Variants in SOX6 observed in about 807,000 individuals in gnomAD.
The protein encoded by SOX6 is SRY-box transcription factor 6.
SOX6 carries 11 observed loss-of-function variants against 97.8 expected under a neutral mutation model. That is an observed-to-expected ratio of 0.11 (90% confidence interval 0.07 to 0.19). The LOEUF (loss-of-function observed/expected upper bound fraction) is 0.19, where lower values mean the gene tolerates loss of function less well. Among genes scored for constraint, SOX6 ranks in the 10% least tolerant of loss-of-function variants. The pLI, the probability that SOX6 is intolerant of heterozygous loss-of-function variation, is 1.00. For missense variants in SOX6, 810 were observed against 1,039.5 expected, an observed-to-expected ratio of 0.78 and a Z score of 3.04; for synonymous variants, 360 against 371.4, an observed-to-expected ratio of 0.97 and a Z score of 0.35.
At chr11:16,309,666 A>G (rs565123369) in intron 3 of SOX6, among the ~76,000 whole-genome samples, 19 of 152,290 alleles carry the variant, frequency 1.2e-4, no homozygotes, top group African/African-American at 4.6e-4. Context: ...GGTTTATAAT[A>G]TACATATCAA....
chr11:16,486,834 C>T (rs1032561675), intron 4 of SOX6, among the ~76,000 whole-genome samples: 8 of 151,738 alleles, frequency 5.3e-5, no homozygotes, highest in African/African-American at 1.2e-4. Flanking sequence ...GGTGACAGAG[C>T]GAGACTCCAT....
At chr11:15,982,993 A>G (rs1853714343) in intron 15 of SOX6, among the ~76,000 whole-genome samples, 1 of 151,956 alleles carries the variant, frequency 6.6e-6, no homozygotes, top group Non-Finnish European at 1.5e-5. Context: ...TCTGGACACC[A>G]CACTCAGAAT....
chr11:16,026,840 A>T (rs1309910571), intron 12 of SOX6, among the ~76,000 whole-genome samples: 1 of 152,188 alleles, frequency 6.6e-6, no homozygotes, highest in East Asian at 1.9e-4. Flanking sequence ...ACTAAAAAAA[A>T]ATTCTGAAAT....
At chr11:16,716,525 T>C (rs1180551831) in intron 2 of SOX6, among the ~76,000 whole-genome samples, 1 of 152,238 alleles carries the variant, frequency 6.6e-6, no homozygotes, top group Non-Finnish European at 1.5e-5. Flanking sequence ...TCTGAGCATA[T>C]GGGAGTATAA....
At chr11:16,396,761 T>A (rs559715744) in intron 1 of SOX6, among the ~76,000 whole-genome samples, 1 of 151,608 alleles carries the variant, frequency 6.6e-6, no homozygotes, top group Non-Finnish European at 1.5e-5. Context: ...TCTTATAGAA[T>A]TGAATATTGA....
upstream of SOX6, among the ~76,000 whole-genome samples, chr11:16,360,836 T>G (rs1857195093): frequency 6.6e-6 from 1 of 151,966 alleles, no homozygotes; most frequent in Non-Finnish European, 1.5e-5. Flanking sequence ...ACCCCGTCTC[T>G]ACTAAAAATA....
At chr11:16,507,078 T>C (rs184404742) in intron 4 of SOX6, among the ~76,000 whole-genome samples, 95 of 152,012 alleles carry the variant, frequency 6.2e-4, no homozygotes, top group Middle Eastern at 3.4e-3. Flanking sequence ...ATAATAATAA[T>C]AATAAATACA....
Position 15,986,251 on chromosome 11 carries a change from T to C in SOX6, c.2136A>G (p.Gln712=), listed in dbSNP as rs534386690. 6.2e-7 allele frequency: 1 copy of C among 1,614,102 alleles called. No individual in the cohort carries two copies. The highest frequency in any genetic ancestry group is 1.1e-5 in the South Asian group (1 of 91,068). ...TCTCCTGTCTCCGAGACCTCATCAG[T>C]TGCTTATACTCCCCAATCCGAAGCT... ...GKKLRIGEYK[Q]LMRSRRQEMR... Residue 712 remains glutamine (Q), a synonymous_variant, in exon 15 of 16, where the codon CAA becomes CAG. Transcript: ENST00000683767.
At chr11:16,226,665 A>G (rs1232877227) in intron 4 of SOX6, among the ~76,000 whole-genome samples, 1 of 152,106 alleles carries the variant, frequency 6.6e-6, no homozygotes, top group Non-Finnish European at 1.5e-5. Context: ...GTATAACTCA[A>G]ACATAGATAC....
chr11:16,143,923 G>A (rs1400671570), intron 6 of SOX6, among the ~76,000 whole-genome samples: 1 of 152,074 alleles, frequency 6.6e-6, no homozygotes, highest in African/African-American at 2.4e-5. Context: ...ACACCCCACT[G>A]TCAACATTAG....
intron 4 of SOX6, among the ~76,000 whole-genome samples, chr11:16,225,161 C>A (rs976257161): frequency 6.6e-6 from 1 of 151,898 alleles, no homozygotes. Context: ...TTTTAAAAAT[C>A]TATAAAATCT....
intron 13 of SOX6, among the ~76,000 whole-genome samples, chr11:15,990,314 A>G (rs995463265): frequency 8.6e-5 from 13 of 152,046 alleles, no homozygotes; most frequent in Non-Finnish European, 1.6e-4. Flanking sequence ...GTCATAGACT[A>G]AGAGGCATTT....
intron 11 of SOX6, among the ~76,000 whole-genome samples, chr11:16,049,216 A>C (rs780679029): frequency 1.3e-5 from 2 of 152,158 alleles, no homozygotes; most frequent in Non-Finnish European, 2.9e-5. Flanking sequence ...TAGGGCTATG[A>C]ATATTCCTAG....
At chr11:16,038,906 T>C (rs1259315517) in intron 12 of SOX6, among the ~76,000 whole-genome samples, 2 of 152,112 alleles carry the variant, frequency 1.3e-5, no homozygotes, top group East Asian at 3.9e-4. Flanking sequence ...AGGAATGTTA[T>C]AGGTACATTC....
At chr11:16,510,885 T>C (rs1002802605) in intron 4 of SOX6, among the ~76,000 whole-genome samples, 5 of 152,024 alleles carry the variant, frequency 3.3e-5, no homozygotes, top group African/African-American at 1.2e-4. Context: ...GAGTGGGTGA[T>C]AGAGGAGAGC....
chr11:16,150,040 GTTAC>G (rs1232135129), intron 6 of SOX6, among the ~76,000 whole-genome samples: 2 of 152,166 alleles, frequency 1.3e-5, no homozygotes, highest in African/African-American at 4.8e-5. Flanking sequence ...AGATTATCTA[GTTAC>G]TTAATTCTAG....
At chr11:16,373,824 GAA>G in intron 1 of SOX6, among the ~76,000 whole-genome samples, 1 of 12,230 alleles carries the variant, frequency 8.2e-5, no homozygotes, top group Non-Finnish European at 1.5e-4. Context: ...AGGGAGAGAG[GAA>G]GGAAGGAAGG....
chr11:16,006,900 A>G (rs1854570992), intron 13 of SOX6, among the ~76,000 whole-genome samples: 1 of 152,036 alleles, frequency 6.6e-6, no homozygotes, highest in Non-Finnish European at 1.5e-5. Flanking sequence ...AAAACTGAAG[A>G]TTGGAAGGCC....
At chr11:16,640,864 C>A (rs1177296075) in intron 3 of SOX6, among the ~76,000 whole-genome samples, 1 of 152,148 alleles carries the variant, frequency 6.6e-6, no homozygotes, top group East Asian at 1.9e-4. Flanking sequence ...AAAATCAGCT[C>A]CTGGATTCAT....
Sources: allele counts gnomAD v4.1 joint callset (sites outside exome capture counted in the v4.1 genomes callset), GRCh38; gene constraint gnomAD v4.1.1; transcripts MANE v1.5; gene names NCBI Gene and HGNC (gene_info 2026-07-23, HGNC 2026-07-21).